CACNA2D1: variants seen among roughly 807,000 people sequenced by gnomAD.
CACNA2D1 encodes the protein voltage-dependent calcium channel subunit alpha-2/delta-1.
CACNA2D1 carries 53 observed loss-of-function variants against 171.5 expected under a neutral mutation model. That is an observed-to-expected ratio of 0.31 (90% confidence interval 0.25 to 0.39). The LOEUF is 0.39. Among genes scored for constraint, CACNA2D1 ranks in the 10% least tolerant of loss-of-function variants. The probability of loss-of-function intolerance (pLI) is 1.00; values close to 1 mark genes in which losing one functional copy is unlikely to be tolerated. For synonymous variants in CACNA2D1, 442 were observed against 443.1 expected, an observed-to-expected ratio of 1.00 and a Z score of 0.03; for missense variants, 903 against 1,299.8, an observed-to-expected ratio of 0.69 and a Z score of 4.69.
At chr7:82,041,723 T>C (rs2131237606) in intron 10 of CACNA2D1, among the ~76,000 whole-genome samples, 1 of 152,342 alleles carries the variant, frequency 6.6e-6, no homozygotes, top group Middle Eastern at 3.4e-3. Context: ...TCTTTGGTTA[T>C]TGGATGCAAG....
intron 4 of CACNA2D1, among the ~76,000 whole-genome samples, chr7:82,164,202 T>TAAA (rs1334216358): frequency 4.6e-5 from 7 of 152,002 alleles, no homozygotes; most frequent in Non-Finnish European, 1.0e-4. Context: ...GATATCCTAA[T>TAAA]ACTACAAGTA....
chr7:82,443,591 G>A lies in CACNA2D1; in HGVS notation c.-132C>T. On this transcript the variant is annotated 5_prime_UTR_variant, in exon 1 of 39. Coordinates refer to ENST00000356860, the MANE Select transcript of CACNA2D1 (RefSeq NM_000722.4). ...GTCTGGAGGGCTGGCTGCGCCCGGG[G>A]CCCGAGGCGCGGAGCCGCGCGGGGG... The A allele has an allele frequency of 3.5e-6, 5 of 1,420,182 alleles. No individual in the cohort carries two copies. The highest frequency in any genetic ancestry group is 4.6e-6 in the Non-Finnish European group (5 of 1,088,760). The allele number at this position is 1,420,182 out of a possible 1,614,324, so 88.0% of individuals were successfully genotyped here.
At chr7:82,060,201 T>TTA (rs1554381943) in intron 10 of CACNA2D1, among the ~76,000 whole-genome samples, 314 of 10,334 alleles carry the variant, frequency 0.03, 67 homozygotes, top group East Asian at 0.076. Context: ...TATATATATA[T>TTA]TATATATATA....
chr7:81,959,092 G>A (rs966267944), intron 38 of CACNA2D1, among the ~76,000 whole-genome samples, 183 bp downstream of exon 38: 1 of 151,944 alleles, frequency 6.6e-6, no homozygotes, highest in African/African-American at 2.4e-5. Flanking sequence ...CAACTGTCAA[G>A]TTTATGCTAA....
intron 3 of CACNA2D1, among the ~76,000 whole-genome samples, chr7:82,264,420 GT>G (rs3831536): frequency 0.3 from 45,088 of 151,958 alleles, 7,349 homozygotes; most frequent in Non-Finnish European, 0.36. Flanking sequence ...TGGTCACAAT[GT>G]TTTATATATT....
intron 12 of CACNA2D1, 68 bp downstream of exon 12, chr7:82,032,729 T>C: frequency 1.2e-6 from 1 of 818,902 alleles, no homozygotes; most frequent in Non-Finnish European, 2.0e-6. Flanking sequence ...TCACTACCAC[T>C]ACCCACTATC....
intron 10 of CACNA2D1, among the ~76,000 whole-genome samples, chr7:82,053,243 C>A (rs1805415306): frequency 8.7e-6 from 1 of 114,752 alleles, no homozygotes; most frequent in African/African-American, 3.2e-5. Flanking sequence ...CAGAGCGAGA[C>A]TCCGTCTCAA....
At chr7:82,402,825 T>C (rs1221306346) in intron 1 of CACNA2D1, among the ~76,000 whole-genome samples, 1 of 151,378 alleles carries the variant, frequency 6.6e-6, no homozygotes, top group Non-Finnish European at 1.5e-5. Flanking sequence ...GGGGACATGA[T>C]CAGAAGTTAC....
intron 3 of CACNA2D1, among the ~76,000 whole-genome samples, chr7:82,212,650 G>A (rs1275913293): frequency 2.0e-5 from 3 of 152,206 alleles, no homozygotes; most frequent in African/African-American, 7.2e-5. Context: ...AGCAGATATG[G>A]ATGCAGTCAT....
At chr7:82,364,680 C>T (rs1821477684) in intron 1 of CACNA2D1, among the ~76,000 whole-genome samples, 1 of 152,154 alleles carries the variant, frequency 6.6e-6, no homozygotes, top group Non-Finnish European at 1.5e-5. Context: ...TTTTCAAAAG[C>T]ACATGGAAAT....
rs151221888 is a variant in CACNA2D1, at chr7:82,385,614, C to T, written c.96-35965G>A. The stretch of plus-strand genomic sequence containing the variant: ...CAGCCAGATACCACTTACACTAGTA[C>T]AGTTTCAGACATTATATTTAAGGGG... On this transcript the variant is annotated intron_variant, in intron 1 of 38. Transcript: ENST00000356860. 6.9e-3 allele frequency among the ~76,000 whole-genome samples: 1,020 copies of T among 147,930 alleles called. 11 individuals carry two copies. Among genetic ancestry groups the T allele is most frequent in the African/African-American group, 0.025 (948 of 38,624 alleles).
intron 3 of CACNA2D1, among the ~76,000 whole-genome samples, chr7:82,195,618 T>A (rs1243513071): frequency 6.6e-6 from 1 of 151,526 alleles, no homozygotes; most frequent in South Asian, 2.1e-4. Context: ...CAACATGTTA[T>A]CTCTCCCAGA....
At chr7:82,132,306 A>G (rs1429732100) in intron 5 of CACNA2D1, among the ~76,000 whole-genome samples, 2 of 152,214 alleles carry the variant, frequency 1.3e-5, no homozygotes, top group African/African-American at 2.4e-5. Context: ...CAAATTGAAG[A>G]TATGTGCAGA....
intron 5 of CACNA2D1, among the ~76,000 whole-genome samples, chr7:82,123,000 G>C (rs1789922678): frequency 1.3e-5 from 2 of 152,136 alleles, no homozygotes; most frequent in South Asian, 2.1e-4. Context: ...TCTAATTTAA[G>C]AGATCACACA....
At chr7:82,266,013 G>C (rs1807794299) in intron 3 of CACNA2D1, among the ~76,000 whole-genome samples, 1 of 152,044 alleles carries the variant, frequency 6.6e-6, no homozygotes, top group South Asian at 2.1e-4. Context: ...CTGTCTATTT[G>C]ATCTACAAGA....
At chr7:82,087,736 T>C (rs573853941) in intron 6 of CACNA2D1, among the ~76,000 whole-genome samples, 1 of 152,230 alleles carries the variant, frequency 6.6e-6, no homozygotes, top group East Asian at 1.9e-4. Context: ...AGACTTTTTT[T>C]CTTCTTAACC....
intron 3 of CACNA2D1, among the ~76,000 whole-genome samples, chr7:82,202,835 C>CT (rs1352116421): frequency 4.4e-4 from 55 of 125,972 alleles, no homozygotes; most frequent in African/African-American, 2.2e-3. Context: ...GAAAATGCGC[C>CT]ACCTCAGAGG....
Position 81,950,170 on chromosome 7 carries a change from TAC to T in CACNA2D1, c.*220_*221del. On this transcript the variant is annotated 3_prime_UTR_variant, in exon 39 of 39. Transcript: ENST00000356860. ...CACGTATAGGATTTTGCTTTGATGT[TAC>T]ACATAGATGATGCAGCATTCACACA... The T allele has an allele frequency of 1.4e-6, 1 of 721,836 alleles. No individual in the cohort carries two copies. Among genetic ancestry groups the T allele is most frequent in the Non-Finnish European group, 2.2e-6 (1 of 451,748 alleles). The allele number at this position is 721,836 out of a possible 1,614,324, so 44.7% of individuals were successfully genotyped here.
intron 2 of CACNA2D1, among the ~76,000 whole-genome samples, chr7:82,337,736 T>G (rs1818167035): frequency 6.6e-6 from 1 of 152,122 alleles, no homozygotes; most frequent in Non-Finnish European, 1.5e-5. Flanking sequence ...CTGGCCTTCG[T>G]TTTTTCTCTA....
Sources: gnomAD v4.1 joint callset for allele counts (sites outside exome capture counted in the v4.1 genomes callset) on GRCh38, gnomAD v4.1.1 for gene constraint, MANE v1.5 for transcripts, NCBI Gene and HGNC (gene_info 2026-07-23, HGNC 2026-07-21) for gene names.